SCAPER: variants seen among roughly 807,000 people sequenced by gnomAD.
The protein encoded by SCAPER is S-phase cyclin A associated protein in the ER.
A neutral mutation model predicts 182.2 loss-of-function variants in SCAPER; 98 were observed. That is an observed-to-expected ratio of 0.54 (90% CI 0.46 to 0.64). The LOEUF (loss-of-function observed/expected upper bound fraction) is 0.64. Ranked by LOEUF, SCAPER falls within the 30% of genes least tolerant of loss-of-function variation. SCAPER has a pLI of 0.00. For synonymous variants in SCAPER, 605 were observed against 564.6 expected, an observed-to-expected ratio of 1.07 and a Z score of -1.01; for missense variants, 1,432 against 1,690.0, an observed-to-expected ratio of 0.85 and a Z score of 2.68.
chr15:76,757,455 T>TAC (rs67231689), intron 14 of SCAPER, among the ~76,000 whole-genome samples: 27,087 of 150,390 alleles, frequency 0.18, 2,558 homozygotes, highest in East Asian at 0.28. Context: ...GTTTTATATA[T>TAC]ACACACACAC....
At chr15:76,389,545 G>T (rs1406575429) in intron 27 of SCAPER, among the ~76,000 whole-genome samples, 1 of 141,056 alleles carries the variant, frequency 7.1e-6, no homozygotes, top group Non-Finnish European at 1.5e-5. Context: ...CGGGCGCGGT[G>T]GCTCACACCT....
intron 26 of SCAPER, among the ~76,000 whole-genome samples, chr15:76,428,475 A>T (rs1365681882): frequency 6.6e-6 from 1 of 152,178 alleles, no homozygotes; most frequent in Non-Finnish European, 1.5e-5. Flanking sequence ...GAGGTTTGTT[A>T]CAACATGGAT....
chr15:76,356,511 A>T (rs74377143), intron 29 of SCAPER, among the ~76,000 whole-genome samples: 29 of 152,282 alleles, frequency 1.9e-4, no homozygotes, highest in African/African-American at 5.5e-4. Flanking sequence ...ATCATGGAAT[A>T]TGAGAGTCTT....
intron 20 of SCAPER, among the ~76,000 whole-genome samples, chr15:76,686,186 T>C (rs1344950079): frequency 6.6e-6 from 1 of 151,826 alleles, no homozygotes; most frequent in Non-Finnish European, 1.5e-5. Flanking sequence ...CTAGTAACAA[T>C]TTGTGAAAAA....
intron 1 of SCAPER, among the ~76,000 whole-genome samples, chr15:76,904,990 G>A (rs2074985531): frequency 1.3e-5 from 2 of 152,102 alleles, no homozygotes; most frequent in African/African-American, 2.4e-5. Flanking sequence ...AGACCGCGTA[G>A]TGTGCGGGGT....
At chr15:76,525,684 T>C (rs573188723) in intron 23 of SCAPER, among the ~76,000 whole-genome samples, 3 of 152,226 alleles carry the variant, frequency 2.0e-5, no homozygotes, top group South Asian at 4.1e-4. Flanking sequence ...GCAAAGGACA[T>C]GATTTCATTC....
At chr15:76,650,711 C>T (rs1438094292) in intron 21 of SCAPER, among the ~76,000 whole-genome samples, 1 of 152,006 alleles carries the variant, frequency 6.6e-6, no homozygotes, top group Non-Finnish European at 1.5e-5. Flanking sequence ...CTATAATAAG[C>T]ACAATATAAG....
intron 25 of SCAPER, among the ~76,000 whole-genome samples, chr15:76,453,063 G>C (rs2048486282): frequency 6.6e-6 from 1 of 152,118 alleles, no homozygotes; most frequent in South Asian, 2.1e-4. Context: ...CAAACTGCTG[G>C]CCTCCAGCGA....
rs144397857 is a variant in SCAPER at position 76,498,461 on chromosome 15, G to C, written c.2954+6398C>G. 16 of 152,314 alleles carry C rather than the reference G, an allele frequency of 1.1e-4. No individual in the cohort carries two copies. In the East Asian group the frequency reaches 2.9e-3, roughly 28 times the overall value. The allele number at this position is 152,314 out of a possible 1,614,324, so 9.4% of individuals were successfully genotyped here. A position where few individuals can be genotyped will look rare whatever the true frequency, so the allele number is the denominator to read the frequency against. On this transcript the variant is annotated intron_variant, in intron 24 of 31. Transcript: ENST00000563290. ...GGAGACAAACCTCAATAAGTCACGG[G>C]AGAGCAATTCTGAACATTCTCTCTG...
chr15:76,627,053 T>C (rs1456960777), intron 21 of SCAPER, among the ~76,000 whole-genome samples: 1 of 152,224 alleles, frequency 6.6e-6, no homozygotes, highest in African/African-American at 2.4e-5. Flanking sequence ...TTTCAGATGC[T>C]TGTCTACTTT....
chr15:76,416,061 A>G (rs1292921702), intron 26 of SCAPER, among the ~76,000 whole-genome samples: 1 of 152,202 alleles, frequency 6.6e-6, no homozygotes, highest in Admixed American at 6.5e-5. Flanking sequence ...AATAATTTTT[A>G]TAAACATTTC....
intron 15 of SCAPER, among the ~76,000 whole-genome samples, chr15:76,739,590 G>A (rs952911883): frequency 5.3e-5 from 8 of 152,130 alleles, no homozygotes; most frequent in East Asian, 1.9e-4. Flanking sequence ...ATTTACGTCC[G>A]GGACATAACT....
chr15:76,778,412 A>G (rs2063875156), intron 8 of SCAPER, among the ~76,000 whole-genome samples: 1 of 152,138 alleles, frequency 6.6e-6, no homozygotes, highest in African/African-American at 2.4e-5. Flanking sequence ...TATACAAATC[A>G]ATATTGTTTA....
intron 23 of SCAPER, among the ~76,000 whole-genome samples, chr15:76,511,843 A>ATATGTGTGTGTGTGTGTGTGTGTGTGTG (rs151255382): frequency 8.1e-6 from 1 of 123,308 alleles, no homozygotes; most frequent in African/African-American, 3.4e-5. Flanking sequence ...ATATATATAT[A>ATATGTGTGTGTGTGTGTGTGTGTGTGTG]TGTGTGTGTG....
In SCAPER at chr15:76,638,784, T is replaced by C. The variant is rs80069581; in HGVS notation, c.2646-16955A>G. On this transcript the variant is annotated intron_variant, in intron 21 of 31. Transcript: ENST00000563290. ...TGTATTTTAAAAATAGGAACACTTA[T>C]GTATTTGGCTGTTTCCTTTGAAAAT... 2.0e-3 allele frequency among the ~76,000 whole-genome samples: 303 copies of C among 152,346 alleles called. 3 individuals carry two copies. Among genetic ancestry groups the C allele is most frequent in the African/African-American group, 6.6e-3 (275 of 41,586 alleles).
intron 20 of SCAPER, among the ~76,000 whole-genome samples, chr15:76,684,863 G>A (rs1343455104): frequency 6.6e-6 from 1 of 151,722 alleles, no homozygotes; most frequent in Admixed American, 6.6e-5. Context: ...TCCTGGTATT[G>A]TACAAATCTT....
intron 27 of SCAPER, among the ~76,000 whole-genome samples, chr15:76,400,722 T>C (rs1032755897): frequency 6.6e-6 from 1 of 152,218 alleles, no homozygotes; most frequent in Non-Finnish European, 1.5e-5. Flanking sequence ...CTTTCTAGAA[T>C]AATCTGTTTT....
chr15:76,402,988 A>G (rs1378383452), intron 27 of SCAPER, among the ~76,000 whole-genome samples: 2 of 152,214 alleles, frequency 1.3e-5, no homozygotes, highest in Non-Finnish European at 2.9e-5. Context: ...AAACAATCAC[A>G]TACGGAAATG....
intron 15 of SCAPER, among the ~76,000 whole-genome samples, chr15:76,737,308 T>C (rs1345480410): frequency 1.3e-5 from 2 of 152,260 alleles, no homozygotes; most frequent in Non-Finnish European, 2.9e-5. Flanking sequence ...ACTATTCATC[T>C]CCTTGTGCTC....
Sources: gnomAD v4.1 joint callset for allele counts (sites outside exome capture counted in the v4.1 genomes callset) on GRCh38, gnomAD v4.1.1 for gene constraint, MANE v1.5 for transcripts, NCBI Gene and HGNC (gene_info 2026-07-23, HGNC 2026-07-21) for gene names.